SORBS2: variants seen among roughly 807,000 people sequenced by gnomAD.
The protein encoded by SORBS2 is sorbin and SH3 domain containing 2.
A neutral mutation model predicts 97.7 loss-of-function variants in SORBS2; 46 were observed. The observed-to-expected ratio is 0.47, with a 90% CI of 0.37 to 0.60. SORBS2 has a LOEUF of 0.60. SORBS2 is among the 20% of genes least tolerant of loss of function. SORBS2 has a pLI of 0.00. For synonymous variants in SORBS2, 476 were observed against 473.4 expected, an observed-to-expected ratio of 1.01 and a Z score of -0.07; for missense variants, 1,316 against 1,282.3, an observed-to-expected ratio of 1.03 and a Z score of -0.40.
intron 1 of SORBS2, among the ~76,000 whole-genome samples, chr4:185,885,727 C>G (rs2099239067): frequency 6.6e-6 from 1 of 152,180 alleles, no homozygotes; most frequent in South Asian, 2.1e-4. Flanking sequence ...TAAGATTCCT[C>G]TAGAATATCC....
chr4:185,896,412 C>T (rs1363550841), intron 1 of SORBS2, among the ~76,000 whole-genome samples: 5 of 152,030 alleles, frequency 3.3e-5, no homozygotes, highest in Admixed American at 1.3e-4. Flanking sequence ...GGTGAAACCC[C>T]GTCTCTACTA....
At chr4:185,638,969 G>A (rs778834286) in intron 4 of SORBS2, 2 of 1,523,058 alleles carry the variant, frequency 1.3e-6, no homozygotes, top group South Asian at 2.5e-5. Flanking sequence ...TCTCCGAGTC[G>A]GGAGCTAGAA....
intron 2 of SORBS2, among the ~76,000 whole-genome samples, chr4:185,688,493 G>A (rs79475396): frequency 2.8e-5 from 3 of 107,456 alleles, no homozygotes; most frequent in Admixed American, 2.7e-4. Context: ...TCTGTCTATT[G>A]ATAGATAGAT....
At chr4:185,675,599 C>T (rs940145273) in intron 4 of SORBS2, among the ~76,000 whole-genome samples, 5 of 152,128 alleles carry the variant, frequency 3.3e-5, no homozygotes, top group African/African-American at 9.7e-5. Flanking sequence ...GCCTCAGTTT[C>T]CTTAGCCATA....
intron 1 of SORBS2, among the ~76,000 whole-genome samples, chr4:185,828,468 T>TATCATC (rs992364475): frequency 6.6e-6 from 1 of 151,840 alleles, no homozygotes; most frequent in African/African-American, 2.4e-5. Flanking sequence ...AAATCATCAT[T>TATCATC]ATCATCATCA....
At chr4:185,822,123 AAAAG>A (rs1483911230) in intron 1 of SORBS2, among the ~76,000 whole-genome samples, 6 of 152,260 alleles carry the variant, frequency 3.9e-5, no homozygotes, top group African/African-American at 1.4e-4. Flanking sequence ...GTGTATAGAA[AAAAG>A]AAAGAAGTGA....
At position 185,606,007 on chromosome 4, in the gene SORBS2, C is replaced by A; in HGVS notation, c.2796+5773G>T. 6.7e-6 allele frequency: 5 copies of A among 748,900 alleles called. No homozygotes were observed. The highest frequency in any genetic ancestry group is 8.1e-6 in the Non-Finnish European group (5 of 614,268). 46.4% of individuals were successfully genotyped at this position (748,900 alleles called of 1,614,324 possible). A position where few individuals can be genotyped will look rare whatever the true frequency, so the allele number is the denominator to read the frequency against. ...TTAAGTAGTCAATGTGAAGTCAACACAAAGAGAACGACCTCTTTAGAAAAT... is the reference window on the plus strand; with the variant it reads ...TTAAGTAGTCAATGTGAAGTCAACAAAAAGAGAACGACCTCTTTAGAAAAT... On this transcript the variant is annotated intron_variant, in intron 12 of 14. Coordinates refer to ENST00000418609, the Ensembl canonical transcript of SORBS2. This position sits in a 1 kb window ranked among gnomAD's most constrained non-coding sequence, Gnocchi z 4.3.
Position 185,605,394 on chromosome 4 carries a change from T to C in SORBS2, c.2796+6386A>G, listed in dbSNP as rs183619315. On this transcript the variant is annotated intron_variant, in intron 12 of 14. Coordinates refer to ENST00000418609, the Ensembl canonical transcript of SORBS2. ...GCCTCCCGGTTTGAAGCAGTTCTCC[T>C]GCCTCAGCCTCCCGAGTAGCTGGGA... Among the ~76,000 whole-genome samples the C allele has an allele frequency of 7.2e-5, 11 of 152,360 alleles. No homozygotes were observed. In the East Asian group the frequency reaches 2.1e-3, roughly 29 times the overall value.
chr4:185,590,191 G>C (rs1395031304), intron 13 of SORBS2, among the ~76,000 whole-genome samples: 1 of 152,146 alleles, frequency 6.6e-6, no homozygotes, highest in African/African-American at 2.4e-5. Flanking sequence ...TTATTTAACT[G>C]TTTAAAAACA....
At chr4:185,677,901 C>T (rs75455804) in intron 4 of SORBS2, among the ~76,000 whole-genome samples, 2,435 of 152,200 alleles carry the variant, frequency 0.016, 66 homozygotes, top group African/African-American at 0.056. Context: ...TTTGCTCCAT[C>T]TACATTCAGG....
At chr4:185,587,759 T>C in intron 14 of SORBS2, 71 bp from the exon 27 acceptor site, 1 of 1,235,856 alleles carries the variant, frequency 8.1e-7, no homozygotes, top group East Asian at 2.3e-5. Context: ...CTTGAATACT[T>C]CCCATTTACA....
At chr4:185,943,138 T>C (rs1413918957) in intron 1 of SORBS2, among the ~76,000 whole-genome samples, 1 of 152,236 alleles carries the variant, frequency 6.6e-6, no homozygotes, top group African/African-American at 2.4e-5. Context: ...GAGAAATAAT[T>C]TCCTCATAGA....
chr4:185,632,430 G>T (rs549928817), intron 4 of SORBS2, among the ~76,000 whole-genome samples: 2 of 152,292 alleles, frequency 1.3e-5, no homozygotes, highest in Non-Finnish European at 2.9e-5. Context: ...TGTGTACATG[G>T]TTATTTTAAT....
intron 1 of SORBS2, among the ~76,000 whole-genome samples, chr4:185,903,460 TGACTATCTGGAACAA>T (rs2099248850): frequency 6.6e-6 from 1 of 152,176 alleles, no homozygotes; most frequent in Non-Finnish European, 1.5e-5. Flanking sequence ...AAGTCACCCA[TGACTATCTGGAACAA>T]CATTGTGGGG....
At chr4:185,925,409 AT>A (rs143220032) in intron 1 of SORBS2, among the ~76,000 whole-genome samples, 2 of 151,924 alleles carry the variant, frequency 1.3e-5, no homozygotes, top group South Asian at 4.2e-4. Context: ...AAAATAGCAC[AT>A]TTTTTTTCTA....
intron 2 of SORBS2, among the ~76,000 whole-genome samples, chr4:185,696,518 G>A (rs995545827): frequency 6.6e-6 from 1 of 152,020 alleles, no homozygotes; most frequent in Non-Finnish European, 1.5e-5. Context: ...GCAATGATGC[G>A]ATCTTGCCCA....
chr4:185,786,150 GT>G (rs201700661), intron 1 of SORBS2, among the ~76,000 whole-genome samples: 6 of 151,046 alleles, frequency 4.0e-5, no homozygotes, highest in Non-Finnish European at 8.9e-5. Flanking sequence ...TATGTTTTGG[GT>G]TTTTTTTTCT....
At chr4:185,668,797 T>G (rs1301337059) in intron 4 of SORBS2, among the ~76,000 whole-genome samples, 1 of 152,210 alleles carries the variant, frequency 6.6e-6, no homozygotes, top group Non-Finnish European at 1.5e-5. Context: ...TTAGGTCTCC[T>G]TCTTTTCAAG....
chr4:185,870,394 C>A (rs565568407), intron 1 of SORBS2, among the ~76,000 whole-genome samples: 1 of 152,188 alleles, frequency 6.6e-6, no homozygotes, highest in Non-Finnish European at 1.5e-5. Flanking sequence ...TGACCCAATG[C>A]GGGCATCCCA....
Sources: gnomAD v4.1 joint callset for allele counts (sites outside exome capture counted in the v4.1 genomes callset) on GRCh38, gnomAD v4.1.1 for gene constraint, Gnocchi (gnomAD v3.1) non-coding constraint, MANE v1.5 for transcripts, NCBI Gene and HGNC (gene_info 2026-07-23, HGNC 2026-07-21) for gene names.